The following FKBP1A variants were observed in gnomAD, a reference collection of about 807,000 sequenced individuals.
FKBP1A encodes peptidyl-prolyl cis-trans isomerase FKBP1A.
Under a neutral mutation model 14.2 loss-of-function variants are expected in FKBP1A, and 5 were observed. The observed-to-expected ratio is 0.35, with a 90% CI of 0.18 to 0.74. The LOEUF (loss-of-function observed/expected upper bound fraction) is 0.74. Ranked by LOEUF, FKBP1A falls within the 30% of genes least tolerant of loss-of-function variation. The probability of loss-of-function intolerance (pLI) is 0.56; values close to 1 mark genes in which losing one functional copy is unlikely to be tolerated. For missense variants in FKBP1A, 53 were observed against 138.8 expected (o/e 0.38, Z 3.10); for synonymous variants, 42 against 49.1 (o/e 0.86, Z 0.60).
At chr20:1,371,449 C>G (rs2089463215) in intron 4 of FKBP1A, among the ~76,000 whole-genome samples, 1 of 152,214 alleles carries the variant, frequency 6.6e-6, no homozygotes, top group African/African-American at 2.4e-5. Context: ...ACTGTCTGAT[C>G]TAAGAGCATC....
chr20:1,370,024 T>G lies in FKBP1A; in HGVS notation c.*85A>C. 1 of 1,550,170 alleles carries G rather than the reference T, an allele frequency of 6.5e-7. No individual in the cohort carries two copies. Among genetic ancestry groups the G allele is most frequent in the Non-Finnish European group, 8.7e-7 (1 of 1,146,816 alleles). On this transcript the variant is annotated 3_prime_UTR_variant, in exon 5 of 5. Transcript: ENST00000400137. ...GTGGAACATCAGGAAAAGCTCCATA[T>G]GGATTCATGTGCACATGTCTGGAGG...
At chr20:1,374,709 G>A (rs2089515812) in intron 3 of FKBP1A, 1 of 152,214 alleles carries the variant, frequency 6.6e-6, no homozygotes, top group African/African-American at 2.4e-5. Flanking sequence ...GTGAGTTACT[G>A]CAGCATTGTT....
chr20:1,377,869 A>G (rs1349665580), intron 2 of FKBP1A: 1 of 152,232 alleles, frequency 6.6e-6, no homozygotes, highest in African/African-American at 2.4e-5. Context: ...AAAACCAGAA[A>G]GAGCTTCTCT....
chr20:1,375,710 A>G (rs2089531815), intron 2 of FKBP1A, 107 bp from the exon 3 acceptor site: 2 of 800,020 alleles, frequency 2.5e-6, no homozygotes, highest in Admixed American at 2.0e-5. Flanking sequence ...AGAGTCTGGC[A>G]GGAACTGCAG....
At chr20:1,382,641 T>C (rs1018970098) in intron 2 of FKBP1A, among the ~76,000 whole-genome samples, 2 of 152,182 alleles carry the variant, frequency 1.3e-5, no homozygotes, top group Non-Finnish European at 2.9e-5. Context: ...GGCCTTCATA[T>C]TTAGACCTTC....
chr20:1,385,090 G>A (rs2089655288), intron 2 of FKBP1A, among the ~76,000 whole-genome samples: 1 of 152,114 alleles, frequency 6.6e-6, no homozygotes, highest in Non-Finnish European at 1.5e-5. Flanking sequence ...TGGGGAGGGG[G>A]AGAAAGAAAT....
Position 1,369,972 on chromosome 20 carries a change from T to C in FKBP1A, c.*137A>G, listed in dbSNP as rs2089440657. ...AAGCTGAGTGACAGAACACATTCAG[T>C]CAGGGCAGATGTCTATACAAAGTGG... On this transcript the variant is annotated 3_prime_UTR_variant, in exon 5 of 5. Transcript: ENST00000400137. 4 of 1,522,950 alleles carry C rather than the reference T, an allele frequency of 2.6e-6. No homozygotes were observed. Among genetic ancestry groups the C allele is most frequent in the South Asian group, 2.5e-5 (2 of 80,630 alleles). The allele number at this position is 1,522,950 out of a possible 1,614,324, so 94.3% of individuals were successfully genotyped here. A position where few individuals can be genotyped will look rare whatever the true frequency, so the allele number is the denominator to read the frequency against.
chr20:1,380,412 A>G lies in FKBP1A; in HGVS notation c.86-4809T>C, dbSNP rs1050581119. Among the ~76,000 whole-genome samples the G allele has an allele frequency of 7.2e-5, 11 of 152,264 alleles. No homozygotes were observed. In the East Asian group the frequency reaches 2.1e-3, roughly 29 times the overall value. The stretch of plus-strand genomic sequence containing the variant: ...TCAAGGCCAGGAAAAGAACTATCCA[A>G]AAGGCTTAGAGGAACAGTATCCAGT... On this transcript the variant is annotated intron_variant, in intron 2 of 4. Coordinates refer to ENST00000400137, the MANE Select transcript of FKBP1A (RefSeq NM_000801.5).
intron 2 of FKBP1A, among the ~76,000 whole-genome samples, chr20:1,391,364 T>A (rs2089734022): frequency 6.6e-6 from 1 of 152,154 alleles, no homozygotes; most frequent in Non-Finnish European, 1.5e-5. Flanking sequence ...CTACCAGACC[T>A]CCCAGGCTCA....
intron 3 of FKBP1A, among the ~76,000 whole-genome samples, chr20:1,374,270 C>G (rs1044400877): frequency 6.6e-6 from 1 of 152,086 alleles, no homozygotes; most frequent in Non-Finnish European, 1.5e-5. Flanking sequence ...ATTTGGCAAC[C>G]CTGGGTCCCT....
intron 2 of FKBP1A, 60 bp downstream of exon 2, chr20:1,392,774 A>T: frequency 7.5e-7 from 1 of 1,328,900 alleles, no homozygotes. Flanking sequence ...CTCGACGGCC[A>T]GCCGCACCCG....
At chr20:1,391,499 A>G (rs985881649) in intron 2 of FKBP1A, 3 of 393,666 alleles carry the variant, frequency 7.6e-6, no homozygotes, top group Admixed American at 4.4e-5. Context: ...CCTTTGGCAG[A>G]ATTTTTAAAG....
At chr20:1,392,756 C>A (rs1182719921) in intron 2 of FKBP1A, 78 bp downstream of exon 2, 1 of 1,141,606 alleles carries the variant, frequency 8.8e-7, no homozygotes, top group Non-Finnish European at 1.2e-6. Context: ...GGCCCCGGGC[C>A]CCCAGGCCTC....
chr20:1,372,306 G>A (rs1163639541), intron 3 of FKBP1A, 66 bp from the exon 4 acceptor site: 3 of 1,567,432 alleles, frequency 1.9e-6, no homozygotes, highest in South Asian at 2.3e-5. Context: ...GTAAGAAAAA[G>A]AGCTGTTTAC....
intron 2 of FKBP1A, 96 bp downstream of exon 2, chr20:1,392,738 G>T (rs943177659): frequency 3.3e-6 from 3 of 899,990 alleles, no homozygotes; most frequent in Non-Finnish European, 4.5e-6. Flanking sequence ...GCCACGCCCC[G>T]GACCCCAGGC....
At chr20:1,388,756 G>A (rs913005280) in intron 2 of FKBP1A, among the ~76,000 whole-genome samples, 1 of 151,850 alleles carries the variant, frequency 6.6e-6, no homozygotes, top group Non-Finnish European at 1.5e-5. Flanking sequence ...TTGGGGGGGC[G>A]GGGGCGGGCA....
At position 1,369,782 on chromosome 20, in the gene FKBP1A, T is replaced by C. The variant is rs1490387796; in HGVS notation, c.*327A>G. On this transcript the variant is annotated 3_prime_UTR_variant, in exon 5 of 5. Transcript: ENST00000400137. ...AACCTACCACTTGTGCTGTTAATACTTGACCATGTACTTAATTGGAAACCT... is the reference window on the plus strand; with the variant it reads ...AACCTACCACTTGTGCTGTTAATACCTGACCATGTACTTAATTGGAAACCT... 1 of 364,536 alleles carries C rather than the reference T, an allele frequency of 2.7e-6. No homozygotes were observed. Among genetic ancestry groups the C allele is most frequent in the Non-Finnish European group, 5.2e-6 (1 of 192,924 alleles). 22.6% of individuals were successfully genotyped at this position (364,536 alleles called of 1,614,324 possible).
chr20:1,384,295 G>A (rs1029127006), intron 2 of FKBP1A, among the ~76,000 whole-genome samples: 2 of 152,110 alleles, frequency 1.3e-5, no homozygotes, highest in African/African-American at 4.8e-5. Context: ...CTGACTCCTG[G>A]GAAAGACTCA....
At position 1,386,634 on chromosome 20, in the gene FKBP1A, C is replaced by G. The variant is rs1029341842; in HGVS notation, c.85+6200G>C. ...CTGTGCTATAAAGAAAAGAGCCTGT[C>G]ATGCAGTGGGGAGTGGGGGCAGTGT... On this transcript the variant is annotated intron_variant, in intron 2 of 4. Coordinates refer to ENST00000400137, the MANE Select transcript of FKBP1A (RefSeq NM_000801.5). The surrounding 1 kb of genome is among the most constrained non-coding windows in gnomAD (Gnocchi z 4.7). Among the ~76,000 whole-genome samples the G allele has an allele frequency of 2.0e-5, 3 of 152,210 alleles. No homozygotes were observed. The highest frequency in any genetic ancestry group is 7.2e-5 in the African/African-American group (3 of 41,462).
Sources: gnomAD v4.1 joint callset for allele counts (sites outside exome capture counted in the v4.1 genomes callset) on GRCh38, gnomAD v4.1.1 for gene constraint, Gnocchi (gnomAD v3.1) non-coding constraint, MANE v1.5 for transcripts, NCBI Gene and HGNC (gene_info 2026-07-23, HGNC 2026-07-21) for gene names.